Variants in CPD observed in about 807,000 individuals in gnomAD.
The protein encoded by CPD is metallocarboxypeptidase D.
A neutral mutation model predicts 138.3 loss-of-function variants in CPD; 69 were observed. The observed-to-expected ratio is 0.50, with a 90% CI of 0.41 to 0.61. The LOEUF (loss-of-function observed/expected upper bound fraction) is 0.61. CPD is among the 20% of genes least tolerant of loss of function. The pLI is 0.00. For missense variants in CPD, 1,432 were observed against 1,733.3 expected (o/e 0.83, Z 3.09); for synonymous variants, 651 against 642.1 (o/e 1.01, Z -0.21).
At chr17:30,396,062 TA>T (rs1911499958) in intron 2 of CPD, among the ~76,000 whole-genome samples, 3 of 152,184 alleles carry the variant, frequency 2.0e-5, no homozygotes, top group African/African-American at 7.2e-5. Flanking sequence ...TTACAAACGT[TA>T]TGCTCATTAG....
At chr17:30,433,059 A>T (rs144824432) in intron 8 of CPD, among the ~76,000 whole-genome samples, 8 of 152,290 alleles carry the variant, frequency 5.3e-5, no homozygotes, top group Non-Finnish European at 7.3e-5. Context: ...TAGGTAATGA[A>T]TATTATTACT....
At chr17:30,455,792 T>C in intron 15 of CPD, 1 of 258,154 alleles carries the variant, frequency 3.9e-6, no homozygotes, top group Non-Finnish European at 7.3e-6. Context: ...CTCATGAAAC[T>C]CCTATGTAAC....
At chr17:30,461,830 G>T in intron 18 of CPD, 47 bp from the exon 19 acceptor site, 1 of 1,497,058 alleles carries the variant, frequency 6.7e-7, no homozygotes. Flanking sequence ...CCTCTACCAT[G>T]TCTGGCATTA....
rs960874171 is a variant in CPD at position 30,380,617 on chromosome 17, A to C, written c.746+891A>C. On this transcript the variant is annotated intron_variant, in intron 1 of 20. Transcript: ENST00000225719. ...GGACCTCAAGAAATTAGTATAAAACAAGAGAATGTTATAAATATTTATGAG... is the reference window on the plus strand; with the variant it reads ...GGACCTCAAGAAATTAGTATAAAACCAGAGAATGTTATAAATATTTATGAG... 2.6e-6 allele frequency: 4 copies of C among 1,516,986 alleles called. No homozygotes were observed. The African/African-American group carries it at 4.2e-5, about 16-fold the overall frequency. 94.0% of individuals were successfully genotyped at this position (1,516,986 alleles called of 1,614,324 possible). A position where few individuals can be genotyped will look rare whatever the true frequency, so the allele number is the denominator to read the frequency against.
rs1181061998 is a variant in CPD at position 30,445,849 on chromosome 17, A to G, written c.2702A>G (p.Glu901Gly). ...GATGCCAGTGATCCAACTACTAAAG[A>G]GTTTGAAACTTTAATTAAAGACCTT... Reference protein sequence around the residue: ...TNDASDPTTKEFETLIKDLSA... With the variant: ...TNDASDPTTKGFETLIKDLSA... Residue 901 changes from glutamate (E) to glycine (G), a missense_variant, in exon 12 of 21, where the codon GAG becomes GGG. Glu to Gly is a moderately conservative substitution (Grantham distance 98). Transcript: ENST00000225719. 1.9e-6 allele frequency: 3 copies of G among 1,614,018 alleles called. No homozygotes were observed. The highest frequency in any genetic ancestry group is 2.5e-6 in the Non-Finnish European group (3 of 1,180,010).
intron 11 of CPD, among the ~76,000 whole-genome samples, chr17:30,444,387 AG>A (rs1391386300): frequency 6.6e-6 from 1 of 152,198 alleles, no homozygotes; most frequent in African/African-American, 2.4e-5. Flanking sequence ...CCTTTAAAGG[AG>A]TAACAGAAGT....
Position 30,456,703 on chromosome 17 carries a change from G to T in CPD, c.3498+177G>T, listed in dbSNP as rs1044873557. The T allele has an allele frequency of 5.5e-6, 3 of 545,596 alleles. No individual in the cohort carries two copies. The African/African-American group carries it at 5.7e-5, about 10-fold the overall frequency. The allele number at this position is 545,596 out of a possible 1,614,324, so 33.8% of individuals were successfully genotyped here. A position where few individuals can be genotyped will look rare whatever the true frequency, so the allele number is the denominator to read the frequency against. ...CTAAAAATATAAAAATTAGCTGGGT[G>T]TGGTGGCAGACGCCCGTAATCCCAG... On this transcript the variant is annotated intron_variant, in intron 17 of 20. Coordinates refer to ENST00000225719, the MANE Select transcript of CPD (RefSeq NM_001304.5).
intron 10 of CPD, among the ~76,000 whole-genome samples, chr17:30,443,387 A>G (rs1299393520): frequency 6.6e-6 from 1 of 152,136 alleles, no homozygotes; most frequent in Non-Finnish European, 1.5e-5. Context: ...GTAATTTTAC[A>G]GCTGTATTTT....
At chr17:30,459,157 T>C (rs1455750659) in intron 17 of CPD, among the ~76,000 whole-genome samples, 1 of 143,240 alleles carries the variant, frequency 7.0e-6, no homozygotes, top group Non-Finnish European at 1.5e-5. Context: ...TTTTTTTTTT[T>C]TTTTTTTGGT....
At position 30,468,399 on chromosome 17, in the gene CPD, T is replaced by C. The variant is rs1203459302; in HGVS notation, c.*3585T>C. 6.6e-6 allele frequency: 1 copy of C among 152,444 alleles called. No individual in the cohort carries two copies. The highest frequency in any genetic ancestry group is 1.5e-5 in the Non-Finnish European group (1 of 68,012). 9.4% of individuals were successfully genotyped at this position (152,444 alleles called of 1,614,324 possible). ...TATGCTCAGATTAAAAATCAGCTTT[T>C]CACCTCTCCAGTTTTTCCAAGTGAT... is the stretch of plus-strand genomic sequence containing the variant. On this transcript the variant is annotated 3_prime_UTR_variant, in exon 21 of 21. Coordinates refer to ENST00000225719, the MANE Select transcript of CPD (RefSeq NM_001304.5).
At chr17:30,396,477 G>T (rs1303704424) in intron 2 of CPD, among the ~76,000 whole-genome samples, 1 of 152,080 alleles carries the variant, frequency 6.6e-6, no homozygotes, top group Admixed American at 6.5e-5. Context: ...TGAATCTTTA[G>T]TATCTTTGAA....
At chr17:30,450,703 T>A (rs1390382023) in intron 13 of CPD, among the ~76,000 whole-genome samples, 1 of 152,010 alleles carries the variant, frequency 6.6e-6, no homozygotes, top group Non-Finnish European at 1.5e-5. Flanking sequence ...TACAAAAATT[T>A]AAAAAATTAG....
Position 30,406,065 on chromosome 17 carries a change from G to T in CPD, c.995-14776G>T, listed in dbSNP as rs1911794517. On this transcript the variant is annotated intron_variant, in intron 2 of 20. Coordinates refer to ENST00000225719, the MANE Select transcript of CPD (RefSeq NM_001304.5). ...TTAAAAATTATATTTGCTGATTATT[G>T]CTGAAATACAGTAAAAAATATTGAT... Among the ~76,000 whole-genome samples the T allele has an allele frequency of 1.3e-5, 2 of 151,976 alleles. 1 individual carries two copies. Among genetic ancestry groups the T allele is most frequent in the Non-Finnish European group, 2.9e-5 (2 of 67,904 alleles).
chr17:30,461,891 T>G lies in CPD; in HGVS notation c.3645T>G (p.Val1215=). ...CATTTTTTCAGGTTCACAAGGGAGTTCATGGATTTGTTAAAGATAAGACTG... is the reference window on the plus strand; with the variant it reads ...CATTTTTTCAGGTTCACAAGGGAGTGCATGGATTTGTTAAAGATAAGACTG... The part of the protein sequence containing the change: ...LSMLVEVHKG[V]HGFVKDKTGK... Residue 1215 remains valine, a synonymous_variant, in exon 19 of 21, where the codon GTT becomes GTG. Coordinates refer to ENST00000225719, the MANE Select transcript of CPD (RefSeq NM_001304.5). The G allele has an allele frequency of 6.3e-7, 1 of 1,599,126 alleles. No homozygotes were observed. The highest frequency in any genetic ancestry group is 8.5e-7 in the Non-Finnish European group (1 of 1,174,412).
rs185435416 is a variant in CPD at position 30,423,197 on chromosome 17, G to C, written c.1657+174G>C. 1.7e-3 allele frequency among the ~76,000 whole-genome samples: 256 copies of C among 152,286 alleles called. 2 individuals are homozygous for C. Among genetic ancestry groups the C allele is most frequent in the African/African-American group, 5.6e-3 (233 of 41,566 alleles). The stretch of plus-strand genomic sequence containing the variant: ...ATGTAACCAATCTTTTCCCAGAAGA[G>C]AAGGAAATCCTTTTGCTAACCCATA... On this transcript the variant is annotated intron_variant, in intron 5 of 20. Coordinates refer to ENST00000225719, the MANE Select transcript of CPD (RefSeq NM_001304.5).
chr17:30,458,741 C>T (rs1475982959), intron 17 of CPD, among the ~76,000 whole-genome samples: 1 of 152,036 alleles, frequency 6.6e-6, no homozygotes, highest in Non-Finnish European at 1.5e-5. Context: ...TGCTGCGCAC[C>T]TGTAATCCCA....
In CPD at chr17:30,445,904, G is replaced by A; in HGVS notation, c.2757G>A (p.Met919Ile). Residue 919 changes from methionine to isoleucine, a missense_variant, in exon 12 of 21, where the codon ATG (methionine) becomes ATA (isoleucine). Around this residue, in one of 6 missense-constraint regions of CPD, gnomAD observed 124 missense variants for 117.0 expected, o/e 1.06. Coordinates refer to ENST00000225719, the MANE Select transcript of CPD (RefSeq NM_001304.5). ...LSAENGLESL[M>I]LRSSSNLALA... The stretch of plus-strand genomic sequence containing the variant: ...CGGAGAATGGTTTGGAAAGCCTCAT[G>A]TTACGCTCCTCCTCAAATCTGGCTC... The A allele has an allele frequency of 6.2e-7, 1 of 1,614,124 alleles. No individual in the cohort carries two copies. Among genetic ancestry groups the A allele is most frequent in the Non-Finnish European group, 8.5e-7 (1 of 1,180,000 alleles).
intron 2 of CPD, among the ~76,000 whole-genome samples, chr17:30,416,345 A>G (rs1912106718): frequency 6.6e-6 from 1 of 152,196 alleles, no homozygotes; most frequent in Non-Finnish European, 1.5e-5. Flanking sequence ...AAAAAAGAAA[A>G]TGTTCTAGAG....
At position 30,379,907 on chromosome 17, in the gene CPD, A is replaced by G. The variant is rs1233721371; in HGVS notation, c.746+181A>G. Among the ~76,000 whole-genome samples, 1 of 152,142 alleles carries G rather than the reference A, an allele frequency of 6.6e-6. No individual in the cohort carries two copies. The highest frequency in any genetic ancestry group is 2.4e-5 in the African/African-American group (1 of 41,422). On this transcript the variant is annotated intron_variant, in intron 1 of 20. Transcript: ENST00000225719. The surrounding 1 kb of genome is among the most constrained non-coding windows in gnomAD (Gnocchi z 7.0). ...TAGCCTCCCGTCCTGCTAATCATCAAAGAATTGCCTCCTAGAGGCTGTCAT... is the reference window on the plus strand; with the variant it reads ...TAGCCTCCCGTCCTGCTAATCATCAGAGAATTGCCTCCTAGAGGCTGTCAT...
Sources: gnomAD v4.1 joint callset for allele counts (sites outside exome capture counted in the v4.1 genomes callset) on GRCh38, gnomAD v4.1.1 for gene constraint, gnomAD v4.1.1 regional missense constraint, Gnocchi (gnomAD v3.1) non-coding constraint, MANE v1.5 for transcripts, NCBI Gene and HGNC (gene_info 2026-07-23, HGNC 2026-07-21) for gene names.